The following PSMD3 variants were observed in gnomAD, a reference collection of about 807,000 sequenced individuals.
PSMD3 encodes 26S proteasome non-ATPase regulatory subunit 3.
A neutral mutation model predicts 62.8 loss-of-function variants in PSMD3; 5 were observed. That is an observed-to-expected ratio of 0.08 (90% CI 0.04 to 0.17). The LOEUF (loss-of-function observed/expected upper bound fraction) is 0.17. PSMD3 is among the 10% of genes least tolerant of loss of function. The pLI is 1.00. For synonymous variants in PSMD3, 265 were observed against 283.9 expected, an observed-to-expected ratio of 0.93 and a Z score of 0.67; for missense variants, 524 against 713.6, an observed-to-expected ratio of 0.73 and a Z score of 3.03.
At position 39,985,016 on chromosome 17, in the gene PSMD3, C is replaced by T. The variant is rs369578923; in HGVS notation, c.411+532C>T. ...GCCTGGATTCAAACAATCTGCCCGC[C>T]CAGGAGTTTGAGACCAGCCTGGGCG... On this transcript the variant is annotated intron_variant, in intron 2 of 11. Coordinates refer to ENST00000264639, the MANE Select transcript of PSMD3 (RefSeq NM_002809.4). 1.1e-3 allele frequency among the ~76,000 whole-genome samples: 174 copies of T among 151,930 alleles called. 5 individuals carry two copies. In the South Asian group the frequency reaches 0.035, roughly 30 times the overall value.
In PSMD3 at chr17:39,997,576, C is replaced by T; in HGVS notation, c.1600C>T (p.Pro534Ser). ...GGCAGAAGATGATGATGACAGCTTC[C>T]CTTGAGCTGGGGGGCTGGGGAGGGG... ...EMAEDDDDSF[P>S] Residue 534 changes from proline (P) to serine (S), a missense_variant, in exon 12 of 12, where the codon CCT becomes TCT. Pro to Ser is a moderately conservative substitution (Grantham distance 74). Transcript: ENST00000264639. 1 of 1,614,080 alleles carries T rather than the reference C, an allele frequency of 6.2e-7. No homozygotes were observed. Among genetic ancestry groups the T allele is most frequent in the South Asian group, 1.1e-5 (1 of 91,090 alleles).
chr17:39,997,510 C>T lies in PSMD3; in HGVS notation c.1534C>T (p.Arg512Cys). Residue 512 changes from arginine (R) to cysteine (C), a missense_variant, in exon 12 of 12, where the codon CGT becomes TGT. This residue lies in a region of PSMD3 where 20 missense variants were observed against 55.1 expected (regional missense o/e 0.36). Transcript: ENST00000264639. The part of the protein sequence containing the change: ...NKDLESAEER[R>C]EREQQDLEFA... ...CACTTGCCTCTCTCCCCAGGAACGG[C>T]GTGAGCGAGAACAGCAGGACTTGGA... is the stretch of plus-strand genomic sequence containing the variant. The T allele has an allele frequency of 1.2e-6, 2 of 1,610,678 alleles. No individual in the cohort carries two copies. Among genetic ancestry groups the T allele is most frequent in the Non-Finnish European group, 1.7e-6 (2 of 1,177,964 alleles).
At chr17:39,986,055 C>T (rs1244553874) in intron 2 of PSMD3, among the ~76,000 whole-genome samples, 1 of 152,128 alleles carries the variant, frequency 6.6e-6, no homozygotes, top group African/African-American at 2.4e-5. Context: ...TCTCCTGTAA[C>T]ACTTTATTGT....
chr17:39,989,892 C>T lies in PSMD3; in HGVS notation c.840C>T (p.Ala280=), dbSNP rs1980613882. The T allele has an allele frequency of 1.9e-6, 3 of 1,613,984 alleles. No homozygotes were observed. The highest frequency in any genetic ancestry group is 1.6e-4 in the Middle Eastern group (1 of 6,072). The part of the protein sequence containing the change: ...LVSKSVFPEQ[A]NNNEWARYLY... Reference sequence around the variant, plus strand: ...CCAAGTCTGTGTTCCCAGAGCAGGCCAACAACAATGAGTGGGCCAGGTACC... The same window carrying T: ...CCAAGTCTGTGTTCCCAGAGCAGGCTAACAACAATGAGTGGGCCAGGTACC... Residue 280 remains alanine, a synonymous_variant, in exon 5 of 12, where the codon GCC becomes GCT. Transcript: ENST00000264639.
intron 4 of PSMD3, 43 bp downstream of exon 4, chr17:39,988,862 A>G (rs757721440): frequency 5.8e-5 from 93 of 1,603,124 alleles, no homozygotes; most frequent in Non-Finnish European, 7.8e-5. Flanking sequence ...GTGGGGTCAG[A>G]GACTTGGTCA....
At chr17:39,981,439 T>A (rs1198237538) in intron 1 of PSMD3, among the ~76,000 whole-genome samples, 2 of 152,180 alleles carry the variant, frequency 1.3e-5, no homozygotes, top group African/African-American at 4.8e-5. Context: ...TATATCTAGG[T>A]CCCAGTGGGC....
chr17:39,995,098 A>C lies in PSMD3; in HGVS notation c.1096+30A>C, dbSNP rs749693750. On this transcript the variant is annotated intron_variant, in intron 7 of 11. Transcript: ENST00000264639. The surrounding 1 kb of genome is among the most constrained non-coding windows in gnomAD (Gnocchi z 4.1). ...GGCTGGCTTCCCCACCCCAGAGCCC[A>C]CTAGGCCCCCTTCAGTGGGGCCTCT... 1.9e-6 allele frequency: 3 copies of C among 1,613,558 alleles called. No homozygotes were observed. Among genetic ancestry groups the C allele is most frequent in the South Asian group, 2.2e-5 (2 of 91,058 alleles).
In PSMD3 at chr17:39,995,597, G is replaced by C. The variant is rs1051389552; in HGVS notation, c.1320+70G>C. The C allele has an allele frequency of 2.6e-5, 38 of 1,477,254 alleles. 1 individual carries two copies. The Admixed American group carries it at 6.5e-4, about 25-fold the overall frequency. The allele number at this position is 1,477,254 out of a possible 1,614,324, so 91.5% of individuals were successfully genotyped here. On this transcript the variant is annotated intron_variant, in intron 9 of 11. Coordinates refer to ENST00000264639, the MANE Select transcript of PSMD3 (RefSeq NM_002809.4). The surrounding 1 kb of genome is among the most constrained non-coding windows in gnomAD (Gnocchi z 4.1). ...TGCCAATCTCAGGAGGCAGGAGTGG[G>C]AGGAGTTTGGCCAAGGAGGGGAATA...
intron 6 of PSMD3, 133 bp from the exon 7 acceptor site, chr17:39,994,821 C>T: frequency 6.8e-6 from 5 of 737,502 alleles, no homozygotes; most frequent in South Asian, 5.2e-5. Flanking sequence ...AGGGCTTCCT[C>T]CTCTCTCTGG....
rs765777769 is a variant in PSMD3, at chr17:39,990,085, C to T, written c.878-9C>T. ...TCTGTTGACCAACTCTCCTCTCCTC[C>T]ACTCCCAGGGCGAATCAAAGCCATC... is the stretch of plus-strand genomic sequence containing the variant. On this transcript the variant is annotated splice_polypyrimidine_tract_variant and intron_variant, in intron 5 of 11. Transcript: ENST00000264639. 14 of 1,613,318 alleles carry T rather than the reference C, an allele frequency of 8.7e-6. No homozygotes were observed. The highest frequency in any genetic ancestry group is 1.6e-4 in the Middle Eastern group (1 of 6,062).
intron 1 of PSMD3, among the ~76,000 whole-genome samples, chr17:39,982,080 C>T (rs1177490959): frequency 1.3e-5 from 2 of 152,180 alleles, no homozygotes; most frequent in African/African-American, 2.4e-5. Context: ...TTTCTTTTCA[C>T]TAAAATGCGT....
Position 39,981,024 on chromosome 17 carries a change from G to C in PSMD3, c.54G>C (p.Pro18=). ...GCGGCGCGGACAAGGCGAAACCGCC[G>C]CCCGGCGGAGGAGAACAAGAACCCC... is the stretch of plus-strand genomic sequence containing the variant. ...RRRGADKAKP[P]PGGGEQEPPP... is the part of the protein sequence containing the mutation. Residue 18 remains proline (P), a synonymous_variant, in exon 1 of 12, where the codon CCG becomes CCC. Coordinates refer to ENST00000264639, the MANE Select transcript of PSMD3 (RefSeq NM_002809.4). 2 of 1,548,858 alleles carry C rather than the reference G, an allele frequency of 1.3e-6. No homozygotes were observed. The highest frequency in any genetic ancestry group is 1.7e-6 in the Non-Finnish European group (2 of 1,146,500).
intron 6 of PSMD3, among the ~76,000 whole-genome samples, chr17:39,992,820 C>T (rs551944416): frequency 4.6e-5 from 7 of 152,170 alleles, no homozygotes; most frequent in Non-Finnish European, 1.0e-4. Flanking sequence ...AGTGCACTGG[C>T]CAGCCCCTTC....
At chr17:39,989,610 A>C (rs568708700) in intron 4 of PSMD3, 129 bp from the exon 5 acceptor site, 2 of 877,062 alleles carry the variant, frequency 2.3e-6, no homozygotes, top group Non-Finnish European at 3.5e-6. Flanking sequence ...GATAGTTAAC[A>C]GTATTCAGCA....
At chr17:39,984,219 A>G in intron 1 of PSMD3, 75 bp from the exon 2 acceptor site, 1 of 918,322 alleles carries the variant, frequency 1.1e-6, no homozygotes, top group Non-Finnish European at 1.6e-6. Flanking sequence ...AAAAAAAAAA[A>G]AAAGAACTCC....
At position 39,989,940 on chromosome 17, in the gene PSMD3, G is replaced by T; in HGVS notation, c.877+11G>T. 1 of 1,606,372 alleles carries T rather than the reference G, an allele frequency of 6.2e-7. No individual in the cohort carries two copies. On this transcript the variant is annotated intron_variant, in intron 5 of 11. Coordinates refer to ENST00000264639, the MANE Select transcript of PSMD3 (RefSeq NM_002809.4). Reference sequence around the variant, plus strand: ...ACCTCTACTACACAGGTGAGCAGAGGGGCCCAACCCATAAATCAGAAGGTG... The same window carrying T: ...ACCTCTACTACACAGGTGAGCAGAGTGGCCCAACCCATAAATCAGAAGGTG...
intron 2 of PSMD3, 102 bp downstream of exon 2, chr17:39,984,586 C>A: frequency 8.4e-7 from 1 of 1,184,868 alleles, no homozygotes; most frequent in Non-Finnish European, 1.2e-6. Flanking sequence ...CCTGTGGTAG[C>A]ATGAGGAGAG....
At position 39,988,899 on chromosome 17, in the gene PSMD3, C is replaced by G. The variant is rs1021427700; in HGVS notation, c.686+80C>G. 4 of 1,546,798 alleles carry G rather than the reference C, an allele frequency of 2.6e-6. No homozygotes were observed. In the African/African-American group the frequency reaches 5.4e-5, roughly 21 times the overall value. On this transcript the variant is annotated intron_variant, in intron 4 of 11. Coordinates refer to ENST00000264639, the MANE Select transcript of PSMD3 (RefSeq NM_002809.4). ...TCACAAGCACACAGCTGTGGATCTG[C>G]AGAGGGCGAAGAACCTGTAGATGTA... is the stretch of plus-strand genomic sequence containing the variant.
Position 39,984,429 on chromosome 17 carries a change from G to T in PSMD3, c.356G>T (p.Gly119Val), listed in dbSNP as rs1228779279. ...NHYVLYKAVQGFFTSNNATRD... is the reference protein window; with the variant it reads ...NHYVLYKAVQVFFTSNNATRD... The stretch of plus-strand genomic sequence containing the variant: ...TATGTTCTGTATAAGGCTGTGCAGG[G>T]CTTCTTCACTTCAAATAATGCCACT... The change falls in exon 2 of 12, where the codon GGC becomes GTC. Residue 119 changes from glycine to valine, a missense_variant. Gly to Val is a moderately radical substitution (Grantham distance 109). This residue lies in a region of PSMD3 where 396 missense variants were observed against 475.8 expected (regional missense o/e 0.83). Coordinates refer to ENST00000264639, the MANE Select transcript of PSMD3 (RefSeq NM_002809.4). The T allele has an allele frequency of 3.1e-6, 5 of 1,613,262 alleles. No individual in the cohort carries two copies. The highest frequency in any genetic ancestry group is 4.2e-6 in the Non-Finnish European group (5 of 1,179,788).
Sources: gnomAD v4.1 joint callset for allele counts (sites outside exome capture counted in the v4.1 genomes callset) on GRCh38, gnomAD v4.1.1 for gene constraint, gnomAD v4.1.1 regional missense constraint, Gnocchi (gnomAD v3.1) non-coding constraint, MANE v1.5 for transcripts, NCBI Gene and HGNC (gene_info 2026-07-23, HGNC 2026-07-21) for gene names.